ZMAT4: variants seen among roughly 807,000 people sequenced by gnomAD.
ZMAT4 encodes the protein zinc finger matrin-type 4.
In ZMAT4, 17 loss-of-function variants were observed where a neutral mutation model predicts 28.7. The ratio of observed to expected loss-of-function variants is 0.59; its 90% CI spans 0.41 to 0.89. The LOEUF is 0.89. ZMAT4 is among the 40% of genes least tolerant of loss of function. The pLI, the probability that ZMAT4 is intolerant of heterozygous loss-of-function variation, is 0.00. For missense variants in ZMAT4, 240 were observed against 283.8 expected (o/e 0.85, Z 1.11); for synonymous variants, 117 against 109.2 (o/e 1.07, Z -0.44).
At chr8:40,590,644 GT>G (rs1804860908) in intron 5 of ZMAT4, among the ~76,000 whole-genome samples, 1 of 151,998 alleles carries the variant, frequency 6.6e-6, no homozygotes, top group African/African-American at 2.4e-5. Flanking sequence ...TCAGTGCAAA[GT>G]AGAGAAGGAC....
At chr8:40,880,110 A>G (rs528872450) in intron 1 of ZMAT4, among the ~76,000 whole-genome samples, 133 of 152,288 alleles carry the variant, frequency 8.7e-4, no homozygotes, top group African/African-American at 3.1e-3. Flanking sequence ...GCCCACACCT[A>G]TAATCCCAGC....
At chr8:40,814,795 C>G (rs2150599682) in intron 2 of ZMAT4, among the ~76,000 whole-genome samples, 2 of 152,274 alleles carry the variant, frequency 1.3e-5, no homozygotes, top group South Asian at 4.1e-4. Context: ...ACATACTATA[C>G]TTTTCATAGT....
intron 1 of ZMAT4, among the ~76,000 whole-genome samples, chr8:40,828,944 C>CT (rs1816176587): frequency 6.6e-6 from 1 of 150,748 alleles, no homozygotes; most frequent in Admixed American, 6.6e-5. Context: ...ACCAAGACAG[C>CT]TGGTAAGAAA....
At chr8:40,888,416 A>G (rs1371482872) in intron 1 of ZMAT4, 1 of 152,258 alleles carries the variant, frequency 6.6e-6, no homozygotes, top group Admixed American at 6.5e-5. Context: ...ACAAAACACC[A>G]CACAATGAGT....
chr8:40,870,673 T>C (rs1817825995), intron 1 of ZMAT4, among the ~76,000 whole-genome samples: 1 of 152,322 alleles, frequency 6.6e-6, no homozygotes, highest in Non-Finnish European at 1.5e-5. Context: ...CCCAAGAATA[T>C]TTCTGGCACC....
chr8:40,832,702 A>G lies in ZMAT4; in HGVS notation c.-4-7022T>C, dbSNP rs77625746. ...CTAAAAATGCTACCAATTAAGATGAACTATGACCTGGTTATGAATGTGAAA... is the reference window on the plus strand; with the variant it reads ...CTAAAAATGCTACCAATTAAGATGAGCTATGACCTGGTTATGAATGTGAAA... On this transcript the variant is annotated intron_variant, in intron 1 of 6. Transcript: ENST00000297737. Among the ~76,000 whole-genome samples, 907 of 152,260 alleles carry G rather than the reference A, an allele frequency of 6.0e-3. 5 individuals are homozygous for G. The highest frequency in any genetic ancestry group is 0.021 in the African/African-American group (858 of 41,540).
At chr8:40,753,122 A>G (rs946696641) in intron 3 of ZMAT4, among the ~76,000 whole-genome samples, 2 of 145,778 alleles carry the variant, frequency 1.4e-5, no homozygotes, top group African/African-American at 5.1e-5. Flanking sequence ...TCATTGTTCA[A>G]CTCCCAATTA....
At chr8:40,886,472 C>T (rs975877937) in intron 1 of ZMAT4, among the ~76,000 whole-genome samples, 1 of 152,178 alleles carries the variant, frequency 6.6e-6, no homozygotes, top group African/African-American at 2.4e-5. Flanking sequence ...GGCTTGGAGT[C>T]GCCCACTCAG....
chr8:40,769,254 GT>G (rs907331143), intron 2 of ZMAT4, among the ~76,000 whole-genome samples: 6 of 151,914 alleles, frequency 3.9e-5, no homozygotes, highest in Admixed American at 2.6e-4. Flanking sequence ...GTCATCTGGA[GT>G]TTTTTTTGTT....
intron 6 of ZMAT4, among the ~76,000 whole-genome samples, chr8:40,539,612 T>G (rs1802962422): frequency 6.6e-6 from 1 of 152,220 alleles, no homozygotes; most frequent in Non-Finnish European, 1.5e-5. Context: ...ACATCGATAA[T>G]ATCTTCCTCC....
chr8:40,561,368 G>A lies in ZMAT4; in HGVS notation c.674+19797C>T, dbSNP rs150044677. On this transcript the variant is annotated intron_variant, in intron 6 of 6. Coordinates refer to ENST00000297737, the MANE Select transcript of ZMAT4 (RefSeq NM_024645.3). The stretch of plus-strand genomic sequence containing the variant: ...TACAGTGTACTAACATGGCCAGCCT[G>A]CACAGCGTTTCTTATAATTCCCTTA... Among the ~76,000 whole-genome samples, 1,146 of 152,206 alleles carry A rather than the reference G, an allele frequency of 7.5e-3. 5 individuals are homozygous for A. Among genetic ancestry groups the A allele is most frequent in the Middle Eastern group, 0.014 (4 of 294 alleles).
intron 3 of ZMAT4, among the ~76,000 whole-genome samples, chr8:40,764,289 G>C (rs187012793): frequency 1.3e-5 from 2 of 152,112 alleles, no homozygotes; most frequent in African/African-American, 4.8e-5. Flanking sequence ...ATCCGAGTAA[G>C]GATTCTAAAG....
At chr8:40,581,349 A>T in intron 5 of ZMAT4, 88 bp from the exon 6 acceptor site, 1 of 1,108,262 alleles carries the variant, frequency 9.0e-7, no homozygotes, top group Non-Finnish European at 1.4e-6. Context: ...TCAGGGACAC[A>T]GTGTCGGAGA....
At chr8:40,650,776 A>G (rs1455463921) in intron 5 of ZMAT4, among the ~76,000 whole-genome samples, 4 of 147,996 alleles carry the variant, frequency 2.7e-5, no homozygotes, top group African/African-American at 7.4e-5. Flanking sequence ...TTCAATATAC[A>G]CAAATCAATA....
chr8:40,578,950 G>C (rs1031086033), intron 6 of ZMAT4, among the ~76,000 whole-genome samples: 5 of 152,192 alleles, frequency 3.3e-5, no homozygotes, highest in African/African-American at 1.2e-4. Context: ...ACATAAGTCA[G>C]ACACCACTGT....
intron 5 of ZMAT4, among the ~76,000 whole-genome samples, chr8:40,665,640 T>C (rs1808380642): frequency 6.6e-6 from 1 of 152,208 alleles, no homozygotes; most frequent in African/African-American, 2.4e-5. Context: ...CTGTGCTTAT[T>C]CTATACTTCA....
intron 2 of ZMAT4, among the ~76,000 whole-genome samples, chr8:40,805,139 G>A (rs1452073167): frequency 6.6e-6 from 1 of 152,130 alleles, no homozygotes; most frequent in African/African-American, 2.4e-5. Context: ...GTGGGCGAAG[G>A]ACATGACTCA....
intron 5 of ZMAT4, among the ~76,000 whole-genome samples, chr8:40,632,758 G>A (rs1806642990): frequency 6.6e-6 from 1 of 152,190 alleles, no homozygotes; most frequent in African/African-American, 2.4e-5. Flanking sequence ...TTTGTTTTAA[G>A]CTACGCAGCT....
Position 40,674,500 on chromosome 8 carries a change from T to C in ZMAT4, c.577+204A>G, listed in dbSNP as rs1445159187. ...AAAGCAGTCAATAAAAATATGAAAA[T>C]AAACACTTTGAAACAAAGGAGATTA... On this transcript the variant is annotated intron_variant, in intron 5 of 6. Transcript: ENST00000297737. The C allele has an allele frequency of 9.0e-6, 5 of 552,906 alleles. No individual in the cohort carries two copies. In the East Asian group the frequency reaches 1.5e-4, roughly 16 times the overall value. The allele number at this position is 552,906 out of a possible 1,614,324, so 34.3% of individuals were successfully genotyped here.
Sources: allele counts gnomAD v4.1 joint callset (sites outside exome capture counted in the v4.1 genomes callset), GRCh38; gene constraint gnomAD v4.1.1; transcripts MANE v1.5; gene names NCBI Gene and HGNC (gene_info 2026-07-23, HGNC 2026-07-21).